Variants in TSPAN33 observed in about 807,000 individuals in gnomAD.
TSPAN33 encodes the protein tetraspanin-33.
A neutral mutation model predicts 34.8 loss-of-function variants in TSPAN33; 27 were observed. That is an observed-to-expected ratio of 0.78 (90% CI 0.57 to 1.07). The LOEUF is 1.07. Among genes scored for constraint, TSPAN33 ranks in the 50% least tolerant of loss-of-function variants. The pLI is 0.00. For missense variants in TSPAN33, 272 were observed against 324.9 expected (o/e 0.84, Z 1.25); for synonymous variants, 119 against 124.2 (o/e 0.96, Z 0.28).
intron 1 of TSPAN33, among the ~76,000 whole-genome samples, chr7:129,159,890 G>C (rs189401430): frequency 6.6e-6 from 1 of 152,164 alleles, no homozygotes; most frequent in Non-Finnish European, 1.5e-5. Context: ...GGAAGAGACC[G>C]GGGCCAGCTG....
rs1188572219 is a variant in TSPAN33, at chr7:129,165,802, C to T, written c.460-976C>T. On this transcript the variant is annotated intron_variant, in intron 5 of 7. Transcript: ENST00000486685. This position sits in a 1 kb window ranked among gnomAD's most constrained non-coding sequence, Gnocchi z 4.5. Reference sequence around the variant, plus strand: ...GCGCACACCTGTAGTCCCAGCTACTCAGGAGGCTGAGGTGCGAGAATAGCT... The same window carrying T: ...GCGCACACCTGTAGTCCCAGCTACTTAGGAGGCTGAGGTGCGAGAATAGCT... Among the ~76,000 whole-genome samples, 1 of 152,088 alleles carries T rather than the reference C, an allele frequency of 6.6e-6. No homozygotes were observed. The highest frequency in any genetic ancestry group is 1.9e-4 in the East Asian group (1 of 5,164).
Position 129,169,667 on chromosome 7 carries a change from AAAAAT to A in TSPAN33, c.*1799_*1803del, listed in dbSNP as rs1486676869. ...TCCCAACTAGTAACAGACGGAAAGA[AAAAAT>A]AAAATTATCCAGAATCTAGAATAAA... On this transcript the variant is annotated 3_prime_UTR_variant, in exon 8 of 8. Coordinates refer to ENST00000486685, the MANE Select transcript of TSPAN33 (RefSeq NM_178562.5). 1 of 152,248 alleles carries A rather than the reference AAAAAT, an allele frequency of 6.6e-6. No individual in the cohort carries two copies. The highest frequency in any genetic ancestry group is 2.4e-5 in the African/African-American group (1 of 41,470). 9.4% of individuals were successfully genotyped at this position (152,248 alleles called of 1,614,324 possible). A position where few individuals can be genotyped will look rare whatever the true frequency, so the allele number is the denominator to read the frequency against.
Position 129,158,791 on chromosome 7 carries a change from G to A in TSPAN33, c.103-2888G>A, listed in dbSNP as rs535742529. Among the ~76,000 whole-genome samples the A allele has an allele frequency of 3.9e-5, 6 of 151,980 alleles. No homozygotes were observed. In the East Asian group the frequency reaches 9.7e-4, roughly 25 times the overall value. Reference sequence around the variant, plus strand: ...TTTTGATATAGAGTCTTGCTCTGTCGCTAGGCTGGAGTGCAGTGGCACGTT... The same window carrying A: ...TTTTGATATAGAGTCTTGCTCTGTCACTAGGCTGGAGTGCAGTGGCACGTT... On this transcript the variant is annotated intron_variant, in intron 1 of 7. Transcript: ENST00000486685.
intron 1 of TSPAN33, among the ~76,000 whole-genome samples, chr7:129,156,586 G>A (rs1399972881): frequency 6.6e-6 from 1 of 152,088 alleles, no homozygotes; most frequent in African/African-American, 2.4e-5. Flanking sequence ...TTTATTTTGG[G>A]TAATAATTCA....
intron 1 of TSPAN33, among the ~76,000 whole-genome samples, chr7:129,156,607 A>G (rs1382690004): frequency 6.6e-6 from 1 of 152,024 alleles, no homozygotes; most frequent in Non-Finnish European, 1.5e-5. Flanking sequence ...ATATTTCTTT[A>G]TTTCGGTGCT....
intron 1 of TSPAN33, among the ~76,000 whole-genome samples, chr7:129,160,573 GA>G (rs1793033671): frequency 6.6e-6 from 1 of 152,316 alleles, no homozygotes; most frequent in African/African-American, 2.4e-5. Context: ...CTCTCAGGGA[GA>G]AGCCAGGAAA....
rs910241097 is a variant in TSPAN33, at chr7:129,150,392, T to G, written c.102+5310T>G. Among the ~76,000 whole-genome samples, 8 of 152,224 alleles carry G rather than the reference T, an allele frequency of 5.3e-5. No individual in the cohort carries two copies. In the East Asian group the frequency reaches 1.2e-3, roughly 22 times the overall value. ...CTTCCCCTGCCTGAAAACCAGCCCATTTGGAGATTATCAGCTGCTCCCCCA... is the reference window on the plus strand; with the variant it reads ...CTTCCCCTGCCTGAAAACCAGCCCAGTTGGAGATTATCAGCTGCTCCCCCA... On this transcript the variant is annotated intron_variant, in intron 1 of 7. Coordinates refer to ENST00000486685, the MANE Select transcript of TSPAN33 (RefSeq NM_178562.5).
rs1263274280 is a variant in TSPAN33, at chr7:129,167,764, C to T, written c.751-9C>T. 1.9e-6 allele frequency: 3 copies of T among 1,613,682 alleles called. No individual in the cohort carries two copies. The highest frequency in any genetic ancestry group is 3.3e-5 in the Admixed American group (2 of 59,992). On this transcript the variant is annotated splice_polypyrimidine_tract_variant and intron_variant, in intron 7 of 7. Coordinates refer to ENST00000486685, the MANE Select transcript of TSPAN33 (RefSeq NM_178562.5). The surrounding 1 kb of genome is among the most constrained non-coding windows in gnomAD (Gnocchi z 4.6). ...TGCTGAGTGCCCAATTCCTTCTTGC[C>T]TCTCCCAGCTGGTGGGAATTCTGCT...
intron 1 of TSPAN33, among the ~76,000 whole-genome samples, chr7:129,152,539 T>A (rs35952546): frequency 0.21 from 31,684 of 151,760 alleles, 3,441 homozygotes; most frequent in Admixed American, 0.27. Context: ...CTACAAAAAT[T>A]AGCTTGTTGT....
chr7:129,166,839 C>A lies in TSPAN33; in HGVS notation c.521C>A (p.Ser174Ter). The change falls in exon 6 of 8, where the codon TCA (serine) becomes TAA (stop). Residue 174 changes from serine to a stop codon, truncating the protein, a stop_gained. Coordinates refer to ENST00000486685, the MANE Select transcript of TSPAN33 (RefSeq NM_178562.5). LOFTEE classifies it high-confidence loss of function. ...DWSQNMYFNCSEDNPSRERCS... is the reference protein window; with the variant it reads ...DWSQNMYFNC ...TCTCAGAACATGTATTTCAACTGCT[C>A]AGAAGACAACCCCAGTCGAGAGCGC... 1 of 1,614,188 alleles carries A rather than the reference C, an allele frequency of 6.2e-7. No individual in the cohort carries two copies. The highest frequency in any genetic ancestry group is 8.5e-7 in the Non-Finnish European group (1 of 1,180,038).
In TSPAN33 at chr7:129,162,859, C is replaced by G. The variant is rs1793073640; in HGVS notation, c.315C>G (p.Phe105Leu). Residue 105 changes from phenylalanine (F) to leucine (L), a missense_variant, in exon 4 of 8, where the codon TTC becomes TTG. By Grantham distance (22) the Phe-to-Leu change is conservative. Coordinates refer to ENST00000486685, the MANE Select transcript of TSPAN33 (RefSeq NM_178562.5). ...QTFSLCLTAV[F>L]LLQLAAGILG... Reference sequence around the variant, plus strand: ...TCTCCCTCTGCCTCACCGCTGTGTTCCTGCTGCAGCTGGCCGCTGGGATCC... The same window carrying G: ...TCTCCCTCTGCCTCACCGCTGTGTTGCTGCTGCAGCTGGCCGCTGGGATCC... 5 of 1,613,962 alleles carry G rather than the reference C, an allele frequency of 3.1e-6. No individual in the cohort carries two copies. The highest frequency in any genetic ancestry group is 4.2e-6 in the Non-Finnish European group (5 of 1,179,966).
intron 5 of TSPAN33, chr7:129,166,473 C>T (rs1040104866): frequency 4.6e-6 from 1 of 217,506 alleles, no homozygotes; most frequent in Non-Finnish European, 9.0e-6. Flanking sequence ...GCCTGCAAAG[C>T]CAGAAACTTC....
intron 1 of TSPAN33, among the ~76,000 whole-genome samples, chr7:129,160,416 G>T (rs1667983323): frequency 6.6e-6 from 1 of 152,176 alleles, no homozygotes; most frequent in Admixed American, 6.5e-5. Flanking sequence ...GCCAGCTGCT[G>T]CTTAGCACCA....
rs1197394582 is a variant in TSPAN33, at chr7:129,169,623, A to C, written c.*1749A>C. On this transcript the variant is annotated 3_prime_UTR_variant, in exon 8 of 8. Coordinates refer to ENST00000486685, the MANE Select transcript of TSPAN33 (RefSeq NM_178562.5). ...AGGCGCCTTTCCAGCAGCCGCTGGG[A>C]CCCTGGCCAGTGTTTAGCTCCCAAC... is the stretch of plus-strand genomic sequence containing the variant. 6.6e-6 allele frequency: 1 copy of C among 152,226 alleles called. No homozygotes were observed. The highest frequency in any genetic ancestry group is 1.5e-5 in the Non-Finnish European group (1 of 68,056). The allele number at this position is 152,226 out of a possible 1,614,324, so 9.4% of individuals were successfully genotyped here.
At chr7:129,149,442 C>T (rs1477869983) in intron 1 of TSPAN33, among the ~76,000 whole-genome samples, 5 of 152,112 alleles carry the variant, frequency 3.3e-5, no homozygotes, top group Non-Finnish European at 5.9e-5. Context: ...CCTGTATTCC[C>T]AGCTACTTCG....
intron 1 of TSPAN33, among the ~76,000 whole-genome samples, chr7:129,159,211 C>T (rs1352915619): frequency 1.3e-5 from 2 of 151,938 alleles, no homozygotes; most frequent in African/African-American, 4.8e-5. Flanking sequence ...CAAGTGTGTG[C>T]CACCATGTCC....
At chr7:129,162,694 A>G in intron 3 of TSPAN33, 139 bp from the exon 4 acceptor site, 1 of 1,385,522 alleles carries the variant, frequency 7.2e-7, no homozygotes, top group Non-Finnish European at 9.9e-7. Context: ...CCCCCAAGAC[A>G]GTGTCCCAGA....
Position 129,169,226 on chromosome 7 carries a change from T to A in TSPAN33, c.*1352T>A, listed in dbSNP as rs117237846. Among the ~76,000 whole-genome samples, 2,640 of 152,298 alleles carry A rather than the reference T, an allele frequency of 0.017. 30 individuals are homozygous for A. The highest frequency in any genetic ancestry group is 0.058 in the East Asian group (299 of 5,168). ...CCCGGGCCCTCCAGGACCTTCTCCC[T>A]GAGTCGGCTGTAGGGAGGACTCCGA... On this transcript the variant is annotated 3_prime_UTR_variant, in exon 8 of 8. Transcript: ENST00000486685.
chr7:129,149,922 G>A (rs1810570902), intron 1 of TSPAN33, among the ~76,000 whole-genome samples: 1 of 152,238 alleles, frequency 6.6e-6, no homozygotes, highest in Non-Finnish European at 1.5e-5. Context: ...TCACGGGCAG[G>A]GAGAGAGGTG....
Sources: gnomAD v4.1 joint callset for allele counts (sites outside exome capture counted in the v4.1 genomes callset) on GRCh38, gnomAD v4.1.1 for gene constraint, Gnocchi (gnomAD v3.1) non-coding constraint, MANE v1.5 for transcripts, NCBI Gene and HGNC (gene_info 2026-07-23, HGNC 2026-07-21) for gene names.